CNTN2: variants seen among roughly 807,000 people sequenced by gnomAD.
CNTN2 encodes the protein contactin-2.
In CNTN2, 53 loss-of-function variants were observed where a neutral mutation model predicts 117.5. The observed-to-expected ratio is 0.45, with a 90% CI of 0.36 to 0.57. The LOEUF (loss-of-function observed/expected upper bound fraction) is 0.57, where lower values mean the gene tolerates loss of function less well. CNTN2 is among the 20% of genes least tolerant of loss of function. The pLI is 0.00. For missense variants in CNTN2, 1,106 were observed against 1,404.3 expected, an observed-to-expected ratio of 0.79 and a Z score of 3.39; for synonymous variants, 530 against 561.7, an observed-to-expected ratio of 0.94 and a Z score of 0.80.
intron 2 of CNTN2, among the ~76,000 whole-genome samples, chr1:205,053,879 G>A (rs969118307): frequency 1.3e-5 from 2 of 149,980 alleles, no homozygotes; most frequent in African/African-American, 2.4e-5. Context: ...GAAGAGATGC[G>A]GCAGACGAGG....
At chr1:205,050,540 A>G (rs1197700435) in intron 1 of CNTN2, among the ~76,000 whole-genome samples, 4 of 152,242 alleles carry the variant, frequency 2.6e-5, no homozygotes, top group Non-Finnish European at 5.9e-5. Context: ...AATACATTAC[A>G]TGAGATATTT....
In CNTN2 at chr1:205,073,867, G is replaced by A. The variant is rs1654728600; in HGVS notation, c.*102G>A. On this transcript the variant is annotated 3_prime_UTR_variant, in exon 23 of 23. Coordinates refer to ENST00000331830, the MANE Select transcript of CNTN2 (RefSeq NM_005076.5). This position sits in a 1 kb window ranked among gnomAD's most constrained non-coding sequence, Gnocchi z 6.3. Reference sequence around the variant, plus strand: ...GTGGCCTGACACTGTGCCAGAGAGTGGCTGGTTTTAAATACCTACTTTAAA... The same window carrying A: ...GTGGCCTGACACTGTGCCAGAGAGTAGCTGGTTTTAAATACCTACTTTAAA... 1 of 930,400 alleles carries A rather than the reference G, an allele frequency of 1.1e-6. No homozygotes were observed. Among genetic ancestry groups the A allele is most frequent in the Non-Finnish European group, 1.7e-6 (1 of 594,670 alleles). 57.6% of individuals were successfully genotyped at this position (930,400 alleles called of 1,614,324 possible).
chr1:205,050,084 G>A (rs2096449726), intron 1 of CNTN2, among the ~76,000 whole-genome samples: 1 of 152,194 alleles, frequency 6.6e-6, no homozygotes, highest in Non-Finnish European at 1.5e-5. Context: ...TTCACAAGGG[G>A]CATTAACCTA....
intron 1 of CNTN2, among the ~76,000 whole-genome samples, chr1:205,047,713 G>T (rs774518334): frequency 6.6e-6 from 1 of 152,122 alleles, no homozygotes; most frequent in Non-Finnish European, 1.5e-5. Context: ...TATGAGTGCC[G>T]CCTGGACGTT....
intron 15 of CNTN2, among the ~76,000 whole-genome samples, 172 bp downstream of exon 15, chr1:205,066,771 C>T (rs1011091341): frequency 1.3e-5 from 2 of 152,156 alleles, no homozygotes; most frequent in African/African-American, 4.8e-5. Flanking sequence ...GGCAGGAAGA[C>T]AGTCACACAG....
In CNTN2 at chr1:205,065,174, C is replaced by T. The variant is rs370194863; in HGVS notation, c.1607C>T (p.Pro536Leu). 3 of 1,614,178 alleles carry T rather than the reference C, an allele frequency of 1.9e-6. No individual in the cohort carries two copies. Among genetic ancestry groups the T allele is most frequent in the South Asian group, 2.2e-5 (2 of 91,078 alleles). The change falls in exon 13 of 23, where the codon CCC (proline) becomes CTC (leucine). Residue 536 changes from proline to leucine, a missense_variant. Pro to Leu is a moderately conservative substitution (Grantham distance 98, BLOSUM62 -3). Coordinates refer to ENST00000331830, the MANE Select transcript of CNTN2 (RefSeq NM_005076.5). The surrounding 1 kb of genome is among the most constrained non-coding windows in gnomAD (Gnocchi z 4.1). ...LTLQCHASHD[P>L]TMDLTFTWTL... ...CTACAGTGCCATGCCTCCCACGACC[C>T]CACCATGGACCTCACCTTCACCTGG...
At chr1:205,066,291 C>A in intron 14 of CNTN2, 150 bp from the exon 15 acceptor site, 3 of 917,444 alleles carry the variant, frequency 3.3e-6, no homozygotes, top group Non-Finnish European at 4.8e-6. Context: ...GCCCACACCC[C>A]TTGCCCGCCC....
chr1:205,065,017 C>G lies in CNTN2; in HGVS notation c.1520-70C>G. ...TGGGCCTTAGGACAGAGCCTCTCAG[C>G]CTGCCCTGCGGACCCGGCCTGGGCC... On this transcript the variant is annotated intron_variant, in intron 12 of 22. Coordinates refer to ENST00000331830, the MANE Select transcript of CNTN2 (RefSeq NM_005076.5). This position sits in a 1 kb window ranked among gnomAD's most constrained non-coding sequence, Gnocchi z 4.1. The G allele has an allele frequency of 6.5e-7, 1 of 1,527,856 alleles. No individual in the cohort carries two copies. Among genetic ancestry groups the G allele is most frequent in the South Asian group, 1.2e-5 (1 of 84,518 alleles). The allele number at this position is 1,527,856 out of a possible 1,614,324, so 94.6% of individuals were successfully genotyped here.
intron 1 of CNTN2, 81 bp downstream of exon 1, chr1:205,043,475 C>T (rs2096435531): frequency 6.6e-6 from 1 of 152,396 alleles, no homozygotes; most frequent in South Asian, 2.1e-4. Context: ...CGGCTCAGTT[C>T]CTGTAAATAT....
chr1:205,055,518 C>G (rs1210469636), intron 2 of CNTN2, among the ~76,000 whole-genome samples: 1 of 152,152 alleles, frequency 6.6e-6, no homozygotes, highest in African/African-American at 2.4e-5. Context: ...GTGACCAGCT[C>G]TCATATCCCA....
rs1325612732 is a variant in CNTN2, at chr1:205,064,382, G to C, written c.1301G>C (p.Gly434Ala). ...VRRLIPAARG[G>A]EILIPCQPRA... ...CGTCTGATCCCCGCGGCCCGCGGGGGAGAGATCCTTATCCCCTGCCAGCCC... is the reference window on the plus strand; with the variant it reads ...CGTCTGATCCCCGCGGCCCGCGGGGCAGAGATCCTTATCCCCTGCCAGCCC... Residue 434 changes from glycine (G) to alanine (A), a missense_variant, in exon 11 of 23, where the codon GGA (glycine) becomes GCA (alanine). Transcript: ENST00000331830. 1 of 1,610,926 alleles carries C rather than the reference G, an allele frequency of 6.2e-7. No homozygotes were observed. The highest frequency in any genetic ancestry group is 8.5e-7 in the Non-Finnish European group (1 of 1,177,476).
intron 1 of CNTN2, among the ~76,000 whole-genome samples, chr1:205,052,898 G>C (rs2096455318): frequency 6.6e-6 from 1 of 152,176 alleles, no homozygotes; most frequent in African/African-American, 2.4e-5. Context: ...GACTCCCAGG[G>C]GACCAGTAGG....
chr1:205,059,340 A>T lies in CNTN2; in HGVS notation c.697+47A>T. 1 of 1,550,870 alleles carries T rather than the reference A, an allele frequency of 6.4e-7. No homozygotes were observed. Among genetic ancestry groups the T allele is most frequent in the Non-Finnish European group, 8.8e-7 (1 of 1,132,742 alleles). On this transcript the variant is annotated intron_variant, in intron 6 of 22. Coordinates refer to ENST00000331830, the MANE Select transcript of CNTN2 (RefSeq NM_005076.5). The surrounding 1 kb of genome is among the most constrained non-coding windows in gnomAD (Gnocchi z 5.6). ...CTGGAGGGAGGGAACTGGAAGGGTC[A>T]GCGGGCATTAGGAAAAGGGTTTTTC...
At chr1:205,070,727 T>C (rs566473658) in intron 19 of CNTN2, 189 bp downstream of exon 19, 31 of 493,362 alleles carry the variant, frequency 6.3e-5, no homozygotes, top group African/African-American at 5.7e-4. Flanking sequence ...CCAGGCGCGG[T>C]GGCTCATGCC....
Position 205,052,668 on chromosome 1 carries a change from G to A in CNTN2, c.-86-432G>A, listed in dbSNP as rs2096454862. ...TAGCCCCCACCCAGACAGCTGAGGGGAAGGGGCAGGGGGAAAGTCAGCCCT... is the reference window on the plus strand; with the variant it reads ...TAGCCCCCACCCAGACAGCTGAGGGAAAGGGGCAGGGGGAAAGTCAGCCCT... On this transcript the variant is annotated intron_variant, in intron 1 of 22. Transcript: ENST00000331830. 2.6e-5 allele frequency among the ~76,000 whole-genome samples: 4 copies of A among 152,334 alleles called. 1 individual carries two copies. In the South Asian group the frequency reaches 8.3e-4, roughly 32 times the overall value.
In CNTN2 at chr1:205,048,827, G is replaced by A. The variant is rs541317684; in HGVS notation, c.-86-4273G>A. Among the ~76,000 whole-genome samples, 26 of 152,066 alleles carry A rather than the reference G, an allele frequency of 1.7e-4. No homozygotes were observed. The East Asian group carries it at 5.0e-3, about 29-fold the overall frequency. On this transcript the variant is annotated intron_variant, in intron 1 of 22. Transcript: ENST00000331830. The surrounding 1 kb of genome is among the most constrained non-coding windows in gnomAD (Gnocchi z 4.1). Reference sequence around the variant, plus strand: ...GCACATGGTCAATAAACACTGTGATGGAAATGGATGCAGGGCAAGACTGGA... The same window carrying A: ...GCACATGGTCAATAAACACTGTGATAGAAATGGATGCAGGGCAAGACTGGA...
At chr1:205,066,062 C>T (rs896779872) in intron 14 of CNTN2, 153 bp downstream of exon 14, 3 of 885,342 alleles carry the variant, frequency 3.4e-6, no homozygotes, top group African/African-American at 1.7e-5. Context: ...CCCTGTGGTT[C>T]TTCACAGGTC....
chr1:205,061,278 C>T lies in CNTN2; in HGVS notation c.831C>T (p.Asp277=), dbSNP rs199743054. The T allele has an allele frequency of 6.4e-5, 103 of 1,613,222 alleles. No individual in the cohort carries two copies. The highest frequency in any genetic ancestry group is 1.3e-4 in the South Asian group (12 of 91,036). The change falls in exon 8 of 23, where the codon GAC becomes GAT. Residue 277 remains aspartate (D), a synonymous_variant. Transcript: ENST00000331830. The surrounding 1 kb of genome is among the most constrained non-coding windows in gnomAD (Gnocchi z 4.8). The part of the protein sequence containing the change: ...PVPRIKWRKV[D]GSLSPQWTTA... ...CCCGGATCAAGTGGCGCAAAGTGGA[C>T]GGCTCCCTGTCCCCGCAGTGGACCA...
At position 205,059,396 on chromosome 1, in the gene CNTN2, C is replaced by A; in HGVS notation, c.697+103C>A. The A allele has an allele frequency of 7.8e-7, 1 of 1,281,254 alleles. No homozygotes were observed. Among genetic ancestry groups the A allele is most frequent in the Non-Finnish European group, 1.1e-6 (1 of 910,346 alleles). The allele number at this position is 1,281,254 out of a possible 1,614,324, so 79.4% of individuals were successfully genotyped here. A position where few individuals can be genotyped will look rare whatever the true frequency, so the allele number is the denominator to read the frequency against. On this transcript the variant is annotated intron_variant, in intron 6 of 22. Transcript: ENST00000331830. This position sits in a 1 kb window ranked among gnomAD's most constrained non-coding sequence, Gnocchi z 5.6. ...GAGATTGGAAGATCAGCTTGCAGGG[C>A]ACTGATTCCAGGCCCTGGACCCCCA...
Sources: gnomAD v4.1 joint callset for allele counts (sites outside exome capture counted in the v4.1 genomes callset) on GRCh38, gnomAD v4.1.1 for gene constraint, Gnocchi (gnomAD v3.1) non-coding constraint, MANE v1.5 for transcripts, NCBI Gene and HGNC (gene_info 2026-07-23, HGNC 2026-07-21) for gene names.